Variants in GALNTL6 observed in about 807,000 individuals in gnomAD.
GALNTL6 encodes polypeptide N-acetylgalactosaminyltransferase-like 6.
A neutral mutation model predicts 73.7 loss-of-function variants in GALNTL6; 46 were observed. The ratio of observed to expected loss-of-function variants is 0.62; its 90% CI spans 0.49 to 0.80. The LOEUF (loss-of-function observed/expected upper bound fraction) is 0.80, where lower values mean the gene tolerates loss of function less well. GALNTL6 is among the 30% of genes least tolerant of loss of function. GALNTL6 has a pLI of 0.00. For synonymous variants in GALNTL6, 259 were observed against 263.7 expected, an observed-to-expected ratio of 0.98 and a Z score of 0.17; for missense variants, 604 against 755.0, an observed-to-expected ratio of 0.80 and a Z score of 2.34.
At chr4:171,817,821 A>G (rs1347839801) in intron 2 of GALNTL6, among the ~76,000 whole-genome samples, 3 of 151,602 alleles carry the variant, frequency 2.0e-5, no homozygotes, top group Admixed American at 1.3e-4. Context: ...AAAGTTTTTT[A>G]TGGTTTGGGA....
chr4:172,539,684 G>C (rs565311763), intron 5 of GALNTL6, among the ~76,000 whole-genome samples: 2 of 151,942 alleles, frequency 1.3e-5, no homozygotes, highest in South Asian at 4.2e-4. Flanking sequence ...TCAATCTCTA[G>C]AGTTCTTTCT....
intron 5 of GALNTL6, among the ~76,000 whole-genome samples, chr4:172,550,922 C>T (rs1735932593): frequency 6.6e-6 from 1 of 152,190 alleles, no homozygotes; most frequent in Non-Finnish European, 1.5e-5. Context: ...TGAGCCCCCA[C>T]ATATTTAGGT....
chr4:172,506,474 G>T (rs530652709), intron 5 of GALNTL6, among the ~76,000 whole-genome samples: 1 of 54,558 alleles, frequency 1.8e-5, no homozygotes, highest in South Asian at 1.9e-3. Context: ...ATATTGGTAT[G>T]TTACTGCACT....
In GALNTL6 at chr4:172,348,616, A is replaced by G; in HGVS notation, c.480A>G (p.Ile160Met). 1 of 1,612,572 alleles carries G rather than the reference A, an allele frequency of 6.2e-7. No individual in the cohort carries two copies. Among genetic ancestry groups the G allele is most frequent in the Non-Finnish European group, 8.5e-7 (1 of 1,178,844 alleles). Residue 160 changes from isoleucine to methionine, a missense_variant, in exon 5 of 13, where the codon ATA becomes ATG. By Grantham distance (10) the Ile-to-Met change is conservative. Around this residue, in one of 5 missense-constraint regions of GALNTL6, gnomAD observed 179 missense variants for 230.8 expected, o/e 0.78. Coordinates refer to ENST00000506823, the MANE Select transcript of GALNTL6 (RefSeq NM_001034845.3). ...NEGWTSLLRT[I>M]HSIINRTPGS... ...GTTGGACTTCACTCCTGCGGACCAT[A>G]CACAGTATAATTAACCGAACCCCAG...
chr4:172,548,318 T>G (rs1246041032), intron 5 of GALNTL6, among the ~76,000 whole-genome samples: 1 of 152,192 alleles, frequency 6.6e-6, no homozygotes, highest in Admixed American at 6.5e-5. Context: ...CCAGGTGATA[T>G]GTGGCTGTTG....
At chr4:172,089,962 T>A (rs1280599776) in intron 2 of GALNTL6, among the ~76,000 whole-genome samples, 1 of 152,222 alleles carries the variant, frequency 6.6e-6, no homozygotes, top group Non-Finnish European at 1.5e-5. Context: ...TTTAGTTTTC[T>A]GTTCCTGTGT....
At chr4:172,946,173 C>T (rs184894164) in intron 9 of GALNTL6, among the ~76,000 whole-genome samples, 2 of 151,710 alleles carry the variant, frequency 1.3e-5, no homozygotes, top group East Asian at 3.9e-4. Flanking sequence ...TTCACTATAA[C>T]ACAATCCACC....
Position 172,540,051 on chromosome 4 carries a change from C to CTT in GALNTL6, c.553+191379_553+191380dup, listed in dbSNP as rs70944413. On this transcript the variant is annotated intron_variant, in intron 5 of 12. Coordinates refer to ENST00000506823, the MANE Select transcript of GALNTL6 (RefSeq NM_001034845.3). ...AGCAGTGACAGAGCTTTCTTTCTTT[C>CTT]TTTTTTTTTTTTTTTTTTGAGAGAG... 5.9e-3 allele frequency among the ~76,000 whole-genome samples: 767 copies of CTT among 129,174 alleles called. 6 individuals carry two copies. Among genetic ancestry groups the CTT allele is most frequent in the African/African-American group, 9.4e-3 (333 of 35,276 alleles). The allele number at this position is 129,174 out of a possible 152,430, so 84.7% of individuals were successfully genotyped here. A position where few individuals can be genotyped will look rare whatever the true frequency, so the allele number is the denominator to read the frequency against.
In GALNTL6 at chr4:172,809,236, GA is replaced by G; in HGVS notation, c.554-124del. 4 of 712,064 alleles carry G rather than the reference GA, an allele frequency of 5.6e-6. No individual in the cohort carries two copies. Among genetic ancestry groups the G allele is most frequent in the Non-Finnish European group, 9.6e-6 (4 of 417,826 alleles). The allele number at this position is 712,064 out of a possible 1,614,324, so 44.1% of individuals were successfully genotyped here. On this transcript the variant is annotated intron_variant, in intron 5 of 12. Transcript: ENST00000506823. This position sits in a 1 kb window ranked among gnomAD's most constrained non-coding sequence, Gnocchi z 4.4. ...TCTTACTAGTATCTCCCATCTAGAT[GA>G]GGAGACAAGAATGTTACCCCAGGAT...
chr4:172,187,101 C>T (rs1253110701), intron 2 of GALNTL6, among the ~76,000 whole-genome samples: 2 of 151,820 alleles, frequency 1.3e-5, no homozygotes, highest in African/African-American at 4.8e-5. Flanking sequence ...TGTAAAATGC[C>T]TAGTTGCTGA....
intron 5 of GALNTL6, among the ~76,000 whole-genome samples, chr4:172,546,787 T>TATATATACAC (rs1735772395): frequency 2.3e-5 from 1 of 43,176 alleles, no homozygotes; most frequent in African/African-American, 1.0e-4. Context: ...CTCCGCTTTA[T>TATATATACAC]ATATATATAC....
chr4:172,998,792 CT>C lies in GALNTL6; in HGVS notation c.1372-10383del, dbSNP rs1224436542. 2.0e-5 allele frequency among the ~76,000 whole-genome samples: 3 copies of C among 152,108 alleles called. No individual in the cohort carries two copies. In the East Asian group the frequency reaches 5.8e-4, roughly 29 times the overall value. On this transcript the variant is annotated intron_variant, in intron 10 of 12. Coordinates refer to ENST00000506823, the MANE Select transcript of GALNTL6 (RefSeq NM_001034845.3). ...TTTCTCCTTCTTATTTCTAGCTACA[CT>C]TTCTTTGCTCACTTTCAAAAAAAGT...
intron 5 of GALNTL6, among the ~76,000 whole-genome samples, chr4:172,593,523 C>A (rs1737733427): frequency 6.6e-6 from 1 of 152,116 alleles, no homozygotes; most frequent in Admixed American, 6.6e-5. Flanking sequence ...CTTCACCGAC[C>A]ACTCTATTGG....
rs1384582900 is a variant in GALNTL6, at chr4:172,809,016, G to C, written c.554-345G>C. ...TTTGTTGGAAAGAGCCCATTTCCAG[G>C]ATTTTCATCTGACTTTACCCAGCAG... is the stretch of plus-strand genomic sequence containing the variant. On this transcript the variant is annotated intron_variant, in intron 5 of 12. Coordinates refer to ENST00000506823, the MANE Select transcript of GALNTL6 (RefSeq NM_001034845.3). The surrounding 1 kb of genome is among the most constrained non-coding windows in gnomAD (Gnocchi z 4.4). Among the ~76,000 whole-genome samples the C allele has an allele frequency of 6.6e-6, 1 of 152,188 alleles. No individual in the cohort carries two copies. The highest frequency in any genetic ancestry group is 2.4e-5 in the African/African-American group (1 of 41,442).
At chr4:172,307,550 A>T (rs1740185642) in intron 3 of GALNTL6, among the ~76,000 whole-genome samples, 1 of 152,138 alleles carries the variant, frequency 6.6e-6, no homozygotes, top group South Asian at 2.1e-4. Context: ...AGAGATGAGG[A>T]TCCAGTTTTG....
intron 2 of GALNTL6, among the ~76,000 whole-genome samples, chr4:171,897,660 T>A (rs1031709081): frequency 4.0e-5 from 6 of 151,834 alleles, no homozygotes; most frequent in African/African-American, 1.5e-4. Context: ...TTTTCTTTTT[T>A]CTTTTTTCGA....
At chr4:172,046,412 G>A (rs555958501) in intron 2 of GALNTL6, among the ~76,000 whole-genome samples, 3 of 152,038 alleles carry the variant, frequency 2.0e-5, no homozygotes, top group South Asian at 2.1e-4. Flanking sequence ...CCATCAACTC[G>A]TCATTAACAT....
At chr4:171,903,288 A>G (rs1737159766) in intron 2 of GALNTL6, among the ~76,000 whole-genome samples, 1 of 152,016 alleles carries the variant, frequency 6.6e-6, no homozygotes. Context: ...GGGTGCGCGC[A>G]CCGTGCGCGA....
intron 2 of GALNTL6, among the ~76,000 whole-genome samples, chr4:172,164,095 G>C (rs749163405): frequency 6.6e-6 from 1 of 151,914 alleles, no homozygotes; most frequent in African/African-American, 2.4e-5. Context: ...ATTATCTGGA[G>C]CATAAAACAA....
Sources: gnomAD v4.1 joint callset for allele counts (sites outside exome capture counted in the v4.1 genomes callset) on GRCh38, gnomAD v4.1.1 for gene constraint, gnomAD v4.1.1 regional missense constraint, Gnocchi (gnomAD v3.1) non-coding constraint, MANE v1.5 for transcripts, NCBI Gene and HGNC (gene_info 2026-07-23, HGNC 2026-07-21) for gene names.